UNC79: variants seen among roughly 807,000 people sequenced by gnomAD.
UNC79 encodes the protein unc-79 subunit of NALCN channel complex.
In UNC79, 37 loss-of-function variants were observed where a neutral mutation model predicts 283.1. That is an observed-to-expected ratio of 0.13 (90% CI 0.10 to 0.17). The LOEUF (loss-of-function observed/expected upper bound fraction) is 0.17. UNC79 is among the 10% of genes least tolerant of loss of function. The pLI, the probability that UNC79 is intolerant of heterozygous loss-of-function variation, is 1.00. For missense variants in UNC79, 2,272 were observed against 3,211.1 expected, an observed-to-expected ratio of 0.71 and a Z score of 7.07; for synonymous variants, 1,107 against 1,200.2, an observed-to-expected ratio of 0.92 and a Z score of 1.61.
At chr14:93,463,382 T>C (rs1299599356) in intron 1 of UNC79, among the ~76,000 whole-genome samples, 1 of 152,062 alleles carries the variant, frequency 6.6e-6, no homozygotes, top group African/African-American at 2.4e-5. Flanking sequence ...GAGGAGAATG[T>C]GTGCAAGACT....
chr14:93,502,263 A>G (rs746361435), intron 7 of UNC79, among the ~76,000 whole-genome samples: 10 of 152,024 alleles, frequency 6.6e-5, no homozygotes, highest in Non-Finnish European at 1.2e-4. Flanking sequence ...AATACAAAAA[A>G]AATTCCGGGT....
chr14:93,539,056 C>T lies in UNC79; in HGVS notation c.1352+838C>T, dbSNP rs1384546770. On this transcript the variant is annotated intron_variant, in intron 12 of 48. Transcript: ENST00000555664. The stretch of plus-strand genomic sequence containing the variant: ...TAGCTGGGATTACAGGTGCGCACCC[C>T]CACGCCCGGCTAATTTTTGTATTTT... 3.3e-5 allele frequency among the ~76,000 whole-genome samples: 5 copies of T among 150,976 alleles called. No individual in the cohort carries two copies. The East Asian group carries it at 8.1e-4, about 24-fold the overall frequency.
At chr14:93,460,060 G>A (rs1324859183) in intron 1 of UNC79, among the ~76,000 whole-genome samples, 5 of 122,062 alleles carry the variant, frequency 4.1e-5, no homozygotes, top group Admixed American at 8.3e-5. Context: ...CGGGCGCGGT[G>A]GCTCACGCCT....
rs567665722 is a variant in UNC79 at position 93,454,938 on chromosome 14, G to GGAT, written c.23-12713_23-12711dup. 1.1e-3 allele frequency among the ~76,000 whole-genome samples: 167 copies of GGAT among 152,040 alleles called. 1 individual carries two copies. Among genetic ancestry groups the GGAT allele is most frequent in the African/African-American group, 3.5e-3 (147 of 41,472 alleles). Reference sequence around the variant, plus strand: ...ATGTAAATGGCCATACAAATGTAATGGATGATGATGATGATGATGATGTTG... The same window carrying GGAT: ...ATGTAAATGGCCATACAAATGTAATGGATGATGATGATGATGATGATGATGTTG... On this transcript the variant is annotated intron_variant, in intron 1 of 48. Transcript: ENST00000555664.
intron 4 of UNC79, among the ~76,000 whole-genome samples, chr14:93,485,200 A>G (rs2058350659): frequency 1.6e-5 from 2 of 127,246 alleles, no homozygotes; most frequent in Admixed American, 7.7e-5. Flanking sequence ...ATATATGTGT[A>G]TATATATGTG....
chr14:93,627,548 T>C (rs2067663339), intron 30 of UNC79, among the ~76,000 whole-genome samples: 1 of 152,182 alleles, frequency 6.6e-6, no homozygotes, highest in Admixed American at 6.5e-5. Flanking sequence ...TATTCTGCCA[T>C]GGTGATGGCA....
chr14:93,526,741 G>A (rs1332042250), intron 8 of UNC79, among the ~76,000 whole-genome samples: 1 of 152,108 alleles, frequency 6.6e-6, no homozygotes, highest in Non-Finnish European at 1.5e-5. Context: ...AAAAGTCAGA[G>A]GTTGACTAGC....
At chr14:93,382,426 A>G (rs932476189) in intron 1 of UNC79, among the ~76,000 whole-genome samples, 1 of 152,216 alleles carries the variant, frequency 6.6e-6, no homozygotes, top group African/African-American at 2.4e-5. Context: ...GTTACCTTAC[A>G]TGGCAGAAAG....
chr14:93,395,624 A>T (rs2054978926), intron 1 of UNC79, among the ~76,000 whole-genome samples: 1 of 152,222 alleles, frequency 6.6e-6, no homozygotes, highest in Non-Finnish European at 1.5e-5. Context: ...GGGTGGGGAC[A>T]TGGAGCCAAA....
intron 2 of UNC79, among the ~76,000 whole-genome samples, chr14:93,469,272 A>G (rs1190524629): frequency 2.0e-5 from 3 of 152,222 alleles, no homozygotes; most frequent in East Asian, 3.8e-4. Context: ...GTAGTATTTT[A>G]GTGGTAAAAC....
intron 8 of UNC79, among the ~76,000 whole-genome samples, chr14:93,524,903 A>T (rs1396941464): frequency 6.6e-6 from 1 of 152,148 alleles, no homozygotes; most frequent in Non-Finnish European, 1.5e-5. Context: ...TTTTATAGAT[A>T]GCCTGTAGAA....
intron 31 of UNC79, 34 bp downstream of exon 34, chr14:93,634,671 C>T (rs374462397): frequency 1.0e-5 from 16 of 1,540,984 alleles, no homozygotes; most frequent in East Asian, 9.0e-5. Flanking sequence ...TTCTACCTCT[C>T]GGATTAGTGA....
chr14:93,459,105 C>T (rs1454768209), intron 1 of UNC79, among the ~76,000 whole-genome samples: 1 of 152,210 alleles, frequency 6.6e-6, no homozygotes. Flanking sequence ...AATTCTCCTG[C>T]CTCAGCCTCC....
chr14:93,704,042 G>A (rs1239534781), intron 47 of UNC79, among the ~76,000 whole-genome samples: 2 of 152,328 alleles, frequency 1.3e-5, no homozygotes, highest in Non-Finnish European at 2.9e-5. Flanking sequence ...TTGAGGTCCT[G>A]TCAGAGAGGC....
At chr14:93,515,031 C>A (rs901499595) in intron 7 of UNC79, among the ~76,000 whole-genome samples, 9 of 152,116 alleles carry the variant, frequency 5.9e-5, no homozygotes, top group Non-Finnish European at 2.9e-5. Flanking sequence ...TCCTTTTATG[C>A]ATATTTTTTG....
intron 14 of UNC79, among the ~76,000 whole-genome samples, chr14:93,547,070 C>T (rs2061636009): frequency 6.6e-6 from 1 of 152,002 alleles, no homozygotes; most frequent in Admixed American, 6.5e-5. Flanking sequence ...GTTGACAAGG[C>T]AGTTTTGTTG....
At chr14:93,351,582 G>C (rs973861418) in intron 1 of UNC79, among the ~76,000 whole-genome samples, 1 of 151,982 alleles carries the variant, frequency 6.6e-6, no homozygotes, top group African/African-American at 2.4e-5. Flanking sequence ...CTAATGTTTT[G>C]TTACTTTAGT....
intron 31 of UNC79, among the ~76,000 whole-genome samples, chr14:93,635,186 C>T (rs1654736284): frequency 6.6e-6 from 1 of 152,176 alleles, no homozygotes; most frequent in African/African-American, 2.4e-5. Context: ...TAAGAATTGA[C>T]TGCCATGACA....
chr14:93,706,950 TG>T, downstream of UNC79: 1 of 1,604,522 alleles, frequency 6.2e-7, no homozygotes, highest in Non-Finnish European at 8.5e-7. Context: ...TTAGCAATAA[TG>T]GGTTTAAAAA....
Sources: gnomAD v4.1 joint callset for allele counts (sites outside exome capture counted in the v4.1 genomes callset) on GRCh38, gnomAD v4.1.1 for gene constraint, MANE v1.5 for transcripts, NCBI Gene and HGNC (gene_info 2026-07-23, HGNC 2026-07-21) for gene names.